The following NOL4 variants were observed in gnomAD, a reference collection of about 807,000 sequenced individuals.
The protein encoded by NOL4 is nucleolar protein 4.
NOL4 carries 17 observed loss-of-function variants against 75.9 expected under a neutral mutation model. The ratio of observed to expected loss-of-function variants is 0.22; its 90% CI spans 0.15 to 0.34. The LOEUF (loss-of-function observed/expected upper bound fraction) is 0.34, where lower values mean the gene tolerates loss of function less well. Ranked by LOEUF, NOL4 falls within the 10% of genes least tolerant of loss-of-function variation. The pLI is 1.00. For missense variants in NOL4, 614 were observed against 793.5 expected, an observed-to-expected ratio of 0.77 and a Z score of 2.72; for synonymous variants, 292 against 289.9, an observed-to-expected ratio of 1.01 and a Z score of -0.07.
At chr18:33,969,605 C>T (rs1055284869) in intron 6 of NOL4, among the ~76,000 whole-genome samples, 1 of 151,992 alleles carries the variant, frequency 6.6e-6, no homozygotes, top group Non-Finnish European at 1.5e-5. Context: ...TGCAATTATT[C>T]ATTTGTATAA....
chr18:34,036,922 A>T (rs1380763324), intron 5 of NOL4, among the ~76,000 whole-genome samples: 4 of 152,084 alleles, frequency 2.6e-5, no homozygotes, highest in Non-Finnish European at 5.9e-5. Context: ...ATAGAGTGAG[A>T]CTCCATCTTA....
chr18:33,865,842 G>T (rs932988709), intron 10 of NOL4, among the ~76,000 whole-genome samples: 1 of 152,056 alleles, frequency 6.6e-6, no homozygotes, highest in Non-Finnish European at 1.5e-5. Flanking sequence ...TCCTCCTGAT[G>T]TCATTAAGTT....
intron 1 of NOL4, among the ~76,000 whole-genome samples, chr18:34,164,225 G>C (rs1451363510): frequency 6.6e-6 from 1 of 151,936 alleles, no homozygotes; most frequent in Non-Finnish European, 1.5e-5. Context: ...GGCAACAAAA[G>C]CCAGAATTGA....
Position 34,204,718 on chromosome 18 carries a change from A to G in NOL4, c.264+18272T>C, listed in dbSNP as rs1008558976. Among the ~76,000 whole-genome samples the G allele has an allele frequency of 3.3e-5, 5 of 152,288 alleles. No individual in the cohort carries two copies. In the South Asian group the frequency reaches 1.0e-3, roughly 32 times the overall value. On this transcript the variant is annotated intron_variant, in intron 1 of 10. Coordinates refer to ENST00000261592, the MANE Select transcript of NOL4 (RefSeq NM_003787.5). ...AGACATCTTTCCATTATCTTTAGTC[A>G]GAGGTGGTACTTCAGAACCCATAAG... is the stretch of plus-strand genomic sequence containing the variant.
intron 6 of NOL4, chr18:34,001,681 T>A (rs1030656679): frequency 6.6e-6 from 1 of 152,132 alleles, no homozygotes; most frequent in African/African-American, 2.4e-5. Context: ...ATTTCTTTTT[T>A]TATTATTATT....
intron 6 of NOL4, among the ~76,000 whole-genome samples, chr18:33,988,418 C>A (rs1306278585): frequency 1.3e-5 from 2 of 152,056 alleles, no homozygotes; most frequent in Admixed American, 1.3e-4. Context: ...CTGATCATTT[C>A]TTTTGGGAAA....
chr18:34,049,070 GCGCGCACACACA>G (rs1334022623), intron 5 of NOL4, among the ~76,000 whole-genome samples: 3 of 44,050 alleles, frequency 6.8e-5, no homozygotes, highest in African/African-American at 2.4e-4. Flanking sequence ...AGATACAGGC[GCGCGCACACACA>G]CACACACACA....
intron 5 of NOL4, among the ~76,000 whole-genome samples, chr18:34,050,404 A>T (rs1464182018): frequency 2.6e-5 from 4 of 152,222 alleles, no homozygotes; most frequent in Non-Finnish European, 5.9e-5. Flanking sequence ...TTTCTTAGTT[A>T]AAAATGTGTT....
rs946066963 is a variant in NOL4 at position 34,202,953 on chromosome 18, GA to G, written c.264+20036del. Among the ~76,000 whole-genome samples the G allele has an allele frequency of 2.0e-5, 3 of 151,998 alleles. 1 individual carries two copies. Among genetic ancestry groups the G allele is most frequent in the Non-Finnish European group, 4.4e-5 (3 of 67,962 alleles). On this transcript the variant is annotated intron_variant, in intron 1 of 10. Transcript: ENST00000261592. Reference sequence around the variant, plus strand: ...TCTTGGGCATTTAATTGAGAGAAATGAAAAGGTGTGCTCACACAAAATCCTG... The same window carrying G: ...TCTTGGGCATTTAATTGAGAGAAATGAAAGGTGTGCTCACACAAAATCCTG...
At chr18:34,066,775 T>C (rs1568298243) in intron 5 of NOL4, among the ~76,000 whole-genome samples, 1 of 151,648 alleles carries the variant, frequency 6.6e-6, no homozygotes, top group Non-Finnish European at 1.5e-5. Flanking sequence ...TTGTGTTGGC[T>C]TTTTCTATTC....
At chr18:33,926,700 A>C (rs1599890594) in intron 9 of NOL4, among the ~76,000 whole-genome samples, 1 of 152,272 alleles carries the variant, frequency 6.6e-6, no homozygotes, top group Non-Finnish European at 1.5e-5. Context: ...TCCCAGGTTC[A>C]AGCAATTCTC....
chr18:34,221,033 T>A (rs2037263023), intron 1 of NOL4: 1 of 152,170 alleles, frequency 6.6e-6, no homozygotes, highest in Non-Finnish European at 1.5e-5. Flanking sequence ...TCTAAAATTG[T>A]TCAGAATTTA....
rs543709551 is a variant in NOL4, at chr18:33,852,978, C to T, written c.1781G>A (p.Ser594Asn). 2 of 1,613,154 alleles carry T rather than the reference C, an allele frequency of 1.2e-6. No individual in the cohort carries two copies. The highest frequency in any genetic ancestry group is 1.7e-5 in the Admixed American group (1 of 59,880). ...ACTCAGCTGGGGTCTGGAGTTTGAG[C>T]TGCTGGAGGATCCTGAGCTAGTCGC... Reference protein sequence around the residue: ...QLATSSGSSSSSNSRPQLSPT... With the variant: ...QLATSSGSSSNSNSRPQLSPT... The change falls in exon 11 of 11, where the codon AGC (serine) becomes AAC (asparagine). Residue 594 changes from serine (S) to asparagine (N), a missense_variant. By Grantham distance (46) the Ser-to-Asn change is conservative. Coordinates refer to ENST00000261592, the MANE Select transcript of NOL4 (RefSeq NM_003787.5).
At chr18:34,083,338 G>A (rs1389505689) in intron 5 of NOL4, among the ~76,000 whole-genome samples, 1 of 152,164 alleles carries the variant, frequency 6.6e-6, no homozygotes, top group Non-Finnish European at 1.5e-5. Flanking sequence ...CAGGATGGGA[G>A]GGAGAAACTA....
chr18:33,893,000 T>G (rs1470253125), intron 9 of NOL4, among the ~76,000 whole-genome samples: 1 of 152,034 alleles, frequency 6.6e-6, no homozygotes, highest in Non-Finnish European at 1.5e-5. Context: ...ATTAGACATA[T>G]TTCAAATTTT....
At chr18:34,116,380 C>T (rs148741974) in intron 2 of NOL4, among the ~76,000 whole-genome samples, 277 of 152,158 alleles carry the variant, frequency 1.8e-3, no homozygotes, top group Middle Eastern at 3.4e-3. Flanking sequence ...TTCTGCTTTT[C>T]GGAAGAAAAA....
chr18:34,000,122 G>T (rs1265631107), intron 6 of NOL4, among the ~76,000 whole-genome samples: 1 of 152,112 alleles, frequency 6.6e-6, no homozygotes, highest in Non-Finnish European at 1.5e-5. Flanking sequence ...TCTCATCCAA[G>T]AAATCCAGGT....
intron 1 of NOL4, among the ~76,000 whole-genome samples, chr18:34,196,541 A>G (rs1310224088): frequency 6.6e-6 from 1 of 152,106 alleles, no homozygotes; most frequent in African/African-American, 2.4e-5. Flanking sequence ...TAGAACATGA[A>G]TTTTGATTAG....
chr18:34,204,572 GAAAA>G (rs2146511990), intron 1 of NOL4, among the ~76,000 whole-genome samples: 1 of 152,184 alleles, frequency 6.6e-6, no homozygotes, highest in African/African-American at 2.4e-5. Flanking sequence ...AATGAGTGAA[GAAAA>G]TTAAATCCCT....
Sources: gnomAD v4.1 joint callset for allele counts (sites outside exome capture counted in the v4.1 genomes callset) on GRCh38, gnomAD v4.1.1 for gene constraint, MANE v1.5 for transcripts, NCBI Gene and HGNC (gene_info 2026-07-23, HGNC 2026-07-21) for gene names.